The following VPS13B variants were observed in gnomAD, a reference collection of about 807,000 sequenced individuals.
The protein encoded by VPS13B is vacuolar protein sorting 13 homolog B.
In VPS13B, 285 loss-of-function variants were observed where a neutral mutation model predicts 426.4. The observed-to-expected ratio is 0.67, with a 90% CI of 0.61 to 0.74. VPS13B has a LOEUF of 0.74. Among genes scored for constraint, VPS13B ranks in the 30% least tolerant of loss-of-function variants. VPS13B has a pLI of 0.00. For missense variants in VPS13B, 4,537 were observed against 4,782.6 expected, an observed-to-expected ratio of 0.95 and a Z score of 1.51; for synonymous variants, 1,676 against 1,676.4, an observed-to-expected ratio of 1.00 and a Z score of 0.01.
intron 31 of VPS13B, among the ~76,000 whole-genome samples, chr8:99,562,432 C>T (rs1347017176): frequency 6.6e-6 from 1 of 152,106 alleles, no homozygotes; most frequent in Non-Finnish European, 1.5e-5. Context: ...AGGCATCTGC[C>T]ACTGTGCCCT....
At chr8:99,624,785 G>T (rs910115102) in intron 33 of VPS13B, among the ~76,000 whole-genome samples, 13 of 147,066 alleles carry the variant, frequency 8.8e-5, no homozygotes, top group Admixed American at 2.0e-4. Context: ...ACTGATATTT[G>T]TGTTGTCCTT....
At chr8:99,568,287 A>ATT (rs1371904688) in intron 31 of VPS13B, among the ~76,000 whole-genome samples, 1 of 137,126 alleles carries the variant, frequency 7.3e-6, no homozygotes, top group African/African-American at 2.6e-5. Flanking sequence ...TATTATTATT[A>ATT]TTATTATTAT....
intron 19 of VPS13B, among the ~76,000 whole-genome samples, chr8:99,358,536 A>C (rs1436869282): frequency 6.6e-6 from 1 of 152,232 alleles, no homozygotes; most frequent in Non-Finnish European, 1.5e-5. Flanking sequence ...CACAAACCAA[A>C]TATTTATTCG....
chr8:99,340,297 T>A (rs1026859066), intron 19 of VPS13B: 4 of 290,050 alleles, frequency 1.4e-5, no homozygotes, highest in Non-Finnish European at 2.7e-5. Flanking sequence ...TACAGACCCA[T>A]CAACACTTTA....
chr8:99,650,463 A>T (rs761934822), intron 34 of VPS13B, among the ~76,000 whole-genome samples: 4 of 152,176 alleles, frequency 2.6e-5, no homozygotes, highest in Non-Finnish European at 5.9e-5. Flanking sequence ...ATATATGTAT[A>T]GTTAAATATA....
intron 19 of VPS13B, among the ~76,000 whole-genome samples, chr8:99,374,154 TTG>T (rs1237475538): frequency 5.9e-5 from 9 of 151,954 alleles, no homozygotes; most frequent in Non-Finnish European, 1.3e-4. Flanking sequence ...CTTATATGTA[TTG>T]TGTCTTTTTT....
At chr8:99,226,931 T>A (rs1816053729) in intron 17 of VPS13B, among the ~76,000 whole-genome samples, 1 of 152,156 alleles carries the variant, frequency 6.6e-6, no homozygotes, top group Non-Finnish European at 1.5e-5. Context: ...AAATATACAA[T>A]ACATTGTTGC....
At chr8:99,521,280 G>A (rs1319254295) in intron 30 of VPS13B, among the ~76,000 whole-genome samples, 1 of 152,166 alleles carries the variant, frequency 6.6e-6, no homozygotes, top group Non-Finnish European at 1.5e-5. Flanking sequence ...TTTAGCAGAT[G>A]TCAAATTTGA....
rs751045565 is a variant in VPS13B, at chr8:99,871,701, C to T, written c.11745+4C>T. 9.3e-6 allele frequency: 15 copies of T among 1,613,172 alleles called. No homozygotes were observed. The Admixed American group carries it at 1.0e-4, about 11-fold the overall frequency. On this transcript the variant is annotated splice_donor_region_variant and intron_variant, in intron 61 of 61. Transcript: ENST00000357162. ...AAGAGTGGCCTGTGATGTGGAGGTACGTTTCAGAAAACAGGGCAACCAAGA... is the reference window on the plus strand; with the variant it reads ...AAGAGTGGCCTGTGATGTGGAGGTATGTTTCAGAAAACAGGGCAACCAAGA...
At chr8:99,686,620 C>CT (rs1831418310) in intron 35 of VPS13B, among the ~76,000 whole-genome samples, 1 of 151,974 alleles carries the variant, frequency 6.6e-6, no homozygotes, top group Non-Finnish European at 1.5e-5. Context: ...AGTGGAGTCT[C>CT]TCCCCATGGC....
intron 52 of VPS13B, among the ~76,000 whole-genome samples, chr8:99,834,405 G>A (rs1815255516): frequency 6.6e-6 from 1 of 152,014 alleles, no homozygotes; most frequent in Non-Finnish European, 1.5e-5. Context: ...TAATCAAAAT[G>A]TACATTTTTT....
intron 15 of VPS13B, among the ~76,000 whole-genome samples, chr8:99,164,050 A>G (rs1446260555): frequency 6.6e-6 from 1 of 152,128 alleles, no homozygotes; most frequent in East Asian, 1.9e-4. Flanking sequence ...AGGGGCGAAG[A>G]AGGGGCCCTG....
At chr8:99,603,835 A>AT (rs1827439166) in intron 33 of VPS13B, among the ~76,000 whole-genome samples, 1 of 152,110 alleles carries the variant, frequency 6.6e-6, no homozygotes, top group Admixed American at 6.5e-5. Context: ...CCATTTGATG[A>AT]TTTTTTCCTC....
chr8:99,664,341 A>G (rs1021329966), intron 35 of VPS13B, among the ~76,000 whole-genome samples: 1 of 151,030 alleles, frequency 6.6e-6, no homozygotes, highest in Non-Finnish European at 1.5e-5. Flanking sequence ...TCATACTTTA[A>G]GTTTTAGGGT....
At chr8:99,759,362 T>C (rs980785652) in intron 39 of VPS13B, among the ~76,000 whole-genome samples, 3 of 152,194 alleles carry the variant, frequency 2.0e-5, no homozygotes, top group Admixed American at 6.5e-5. Flanking sequence ...CATTAAACTA[T>C]TCATTAAACT....
chr8:99,225,918 T>C (rs1815989200), intron 17 of VPS13B, among the ~76,000 whole-genome samples: 1 of 152,136 alleles, frequency 6.6e-6, no homozygotes, highest in Non-Finnish European at 1.5e-5. Context: ...AGACTCATCA[T>C]GGGAAACTTT....
intron 22 of VPS13B, among the ~76,000 whole-genome samples, chr8:99,437,322 A>G (rs751878715): frequency 6.6e-5 from 10 of 152,210 alleles, no homozygotes; most frequent in Non-Finnish European, 1.3e-4. Flanking sequence ...TTTGTTTTTC[A>G]GTGTGGAAGA....
Position 99,193,039 on chromosome 8 carries a change from G to A in VPS13B, c.2497G>A (p.Glu833Lys). The part of the protein sequence containing the change: ...SSAVIEALIN[E>K]IFLSIGVKSK... The stretch of plus-strand genomic sequence containing the variant: ...CGCAGTGATTGAAGCTTTGATAAAT[G>A]AAATCTTCCTAAGTATAGGTAAGAG... The change falls in exon 17 of 62, where the codon GAA (glutamate) becomes AAA (lysine). Residue 833 changes from glutamate to lysine, a missense_variant. Around this residue, in one of 2 missense-constraint regions of VPS13B, gnomAD observed 4,311 missense variants for 4,474.3 expected, o/e 0.96. Coordinates refer to ENST00000357162, the MANE Select transcript of VPS13B (RefSeq NM_152564.5). 1 of 1,613,588 alleles carries A rather than the reference G, an allele frequency of 6.2e-7. No homozygotes were observed. The highest frequency in any genetic ancestry group is 8.5e-7 in the Non-Finnish European group (1 of 1,179,790).
chr8:99,072,466 T>A (rs1414030750), intron 3 of VPS13B, among the ~76,000 whole-genome samples: 1 of 152,098 alleles, frequency 6.6e-6, no homozygotes, highest in East Asian at 1.9e-4. Context: ...GACAAAGAGC[T>A]CTTTAGTTTT....
Sources: allele counts gnomAD v4.1 joint callset (sites outside exome capture counted in the v4.1 genomes callset), GRCh38; gene constraint gnomAD v4.1.1; regional missense constraint gnomAD v4.1.1; transcripts MANE v1.5; gene names NCBI Gene and HGNC (gene_info 2026-07-23, HGNC 2026-07-21).